The following FHIT variants were observed in gnomAD, a reference collection of about 807,000 sequenced individuals.
FHIT encodes fragile histidine triad diadenosine triphosphatase.
Under a neutral mutation model 17.9 loss-of-function variants are expected in FHIT, and 19 were observed. The ratio of observed to expected loss-of-function variants is 1.06; its 90% CI spans 0.74 to 1.56. The LOEUF (loss-of-function observed/expected upper bound fraction) is 1.56. FHIT is among the 40% of genes most tolerant of loss of function. FHIT has a pLI of 0.00. For synonymous variants in FHIT, 81 were observed against 69.7 expected, an observed-to-expected ratio of 1.16 and a Z score of -0.81; for missense variants, 248 against 189.2, an observed-to-expected ratio of 1.31 and a Z score of -1.82.
chr3:61,187,700 A>G (rs1011560532), intron 2 of FHIT, among the ~76,000 whole-genome samples: 1 of 152,216 alleles, frequency 6.6e-6, no homozygotes, highest in African/African-American at 2.4e-5. Flanking sequence ...TCCTCAGCAA[A>G]TGTAAAAGAA....
chr3:60,294,401 G>A (rs1344437749), intron 5 of FHIT, among the ~76,000 whole-genome samples: 3 of 152,242 alleles, frequency 2.0e-5, no homozygotes, highest in Non-Finnish European at 4.4e-5. Flanking sequence ...CAGGTTCCAG[G>A]AAATATGAAG....
intron 2 of FHIT, among the ~76,000 whole-genome samples, chr3:61,182,257 A>G (rs1236563097): frequency 1.3e-5 from 2 of 152,222 alleles, no homozygotes; most frequent in Non-Finnish European, 1.5e-5. Context: ...TTCCACGGTT[A>G]AAGTATGAAA....
intron 5 of FHIT, among the ~76,000 whole-genome samples, chr3:60,166,922 C>G (rs554602491): frequency 6.0e-4 from 92 of 152,264 alleles, no homozygotes; most frequent in Middle Eastern, 6.8e-3. Flanking sequence ...CAAGATAGGG[C>G]AGCTTGACCT....
intron 5 of FHIT, among the ~76,000 whole-genome samples, chr3:60,146,262 G>A (rs1700235685): frequency 6.9e-6 from 1 of 145,946 alleles, no homozygotes; most frequent in Non-Finnish European, 1.5e-5. Context: ...AAAAAAAAAG[G>A]GCAGGGGGTA....
chr3:59,762,015 T>G (rs1301514396), intron 8 of FHIT, among the ~76,000 whole-genome samples: 1 of 152,192 alleles, frequency 6.6e-6, no homozygotes, highest in Non-Finnish European at 1.5e-5. Context: ...ACTACTCTTA[T>G]GCTTTGGGGC....
intron 5 of FHIT, among the ~76,000 whole-genome samples, chr3:60,065,031 T>C (rs1050514232): frequency 1.3e-5 from 2 of 152,204 alleles, no homozygotes; most frequent in Non-Finnish European, 2.9e-5. Context: ...TATGACTCAC[T>C]GTATTCATTC....
chr3:61,246,356 G>C (rs1483138982), intron 1 of FHIT, among the ~76,000 whole-genome samples: 2 of 152,054 alleles, frequency 1.3e-5, no homozygotes, highest in Non-Finnish European at 2.9e-5. Flanking sequence ...CTTGGGGTCT[G>C]GATCAAGACC....
At chr3:60,014,397 A>C (rs908898161) in intron 5 of FHIT, among the ~76,000 whole-genome samples, 1 of 152,362 alleles carries the variant, frequency 6.6e-6, no homozygotes, top group South Asian at 2.1e-4. Flanking sequence ...AAAGAAAGGG[A>C]CATTCGTGTA....
intron 5 of FHIT, among the ~76,000 whole-genome samples, chr3:60,195,908 A>G (rs1283916960): frequency 6.6e-6 from 1 of 151,980 alleles, no homozygotes. Context: ...GGATTTTAAA[A>G]AACTACATAT....
chr3:60,684,746 C>T (rs1394787338), intron 4 of FHIT, among the ~76,000 whole-genome samples: 2 of 152,128 alleles, frequency 1.3e-5, no homozygotes, highest in Non-Finnish European at 2.9e-5. Flanking sequence ...AAGCAACCTT[C>T]CTGGGAGTAA....
chr3:60,605,357 C>T (rs1447460637), intron 4 of FHIT, among the ~76,000 whole-genome samples: 5 of 152,180 alleles, frequency 3.3e-5, no homozygotes, highest in African/African-American at 2.4e-5. Context: ...GGTGAGAACA[C>T]ATCAATAGAG....
At chr3:60,192,913 C>A (rs1317395482) in intron 5 of FHIT, among the ~76,000 whole-genome samples, 1 of 152,200 alleles carries the variant, frequency 6.6e-6, no homozygotes. Flanking sequence ...CAAGTTTCTA[C>A]TGAAGTGATT....
intron 5 of FHIT, among the ~76,000 whole-genome samples, chr3:60,342,092 T>C (rs1489053479): frequency 6.6e-6 from 1 of 152,202 alleles, no homozygotes; most frequent in Non-Finnish European, 1.5e-5. Flanking sequence ...GACCTGAAGA[T>C]GCCAGGCTCC....
chr3:60,196,914 T>C (rs1207692923), intron 5 of FHIT, among the ~76,000 whole-genome samples: 4 of 152,078 alleles, frequency 2.6e-5, no homozygotes, highest in Non-Finnish European at 5.9e-5. Flanking sequence ...GTATGGATCA[T>C]GTACTGGGGA....
At chr3:59,890,338 C>T (rs1318998859) in intron 8 of FHIT, among the ~76,000 whole-genome samples, 2 of 152,000 alleles carry the variant, frequency 1.3e-5, no homozygotes, top group African/African-American at 2.4e-5. Context: ...GCCATAAATA[C>T]GGACTGAGCA....
rs888714964 is a variant in FHIT at position 60,122,674 on chromosome 3, T to G, written c.104-108522A>C. 4.6e-5 allele frequency among the ~76,000 whole-genome samples: 7 copies of G among 152,314 alleles called. No individual in the cohort carries two copies. In the South Asian group the frequency reaches 1.4e-3, roughly 32 times the overall value. ...AGAAAAAAGTATCTGGTGAAATCTC[T>G]TCTAGAAACTTTGGCTGGGGAGAGT... On this transcript the variant is annotated intron_variant, in intron 5 of 9. Transcript: ENST00000492590.
At chr3:60,660,007 C>T (rs2040203289) in intron 4 of FHIT, among the ~76,000 whole-genome samples, 1 of 152,152 alleles carries the variant, frequency 6.6e-6, no homozygotes, top group Non-Finnish European at 1.5e-5. Context: ...AAGTCCTTCT[C>T]ACATCTTTTG....
chr3:60,114,064 T>A (rs1344931835), intron 5 of FHIT, among the ~76,000 whole-genome samples: 1 of 94,912 alleles, frequency 1.1e-5, no homozygotes, highest in East Asian at 2.8e-4. Flanking sequence ...TATATATATA[T>A]ATATATATAA....
intron 3 of FHIT, among the ~76,000 whole-genome samples, chr3:60,893,516 C>A (rs1196082116): frequency 6.6e-6 from 1 of 152,104 alleles, no homozygotes; most frequent in Non-Finnish European, 1.5e-5. Flanking sequence ...ATTATGTAGC[C>A]AATATTTACT....
Sources: allele counts gnomAD v4.1 joint callset (sites outside exome capture counted in the v4.1 genomes callset), GRCh38; gene constraint gnomAD v4.1.1; transcripts MANE v1.5; gene names NCBI Gene and HGNC (gene_info 2026-07-23, HGNC 2026-07-21).